NLK: variants seen among roughly 807,000 people sequenced by gnomAD.
The protein encoded by NLK is serine/threonine-protein kinase NLK.
A neutral mutation model predicts 59.0 loss-of-function variants in NLK; 11 were observed. The ratio of observed to expected loss-of-function variants is 0.19; its 90% CI spans 0.12 to 0.31. The LOEUF (loss-of-function observed/expected upper bound fraction) is 0.31. NLK is among the 10% of genes least tolerant of loss of function. The pLI, the probability that NLK is intolerant of heterozygous loss-of-function variation, is 1.00. For synonymous variants in NLK, 235 were observed against 235.9 expected (o/e 1.00, Z 0.03); for missense variants, 410 against 661.1 (o/e 0.62, Z 4.16).
intron 1 of NLK, among the ~76,000 whole-genome samples, chr17:28,121,656 G>A (rs1374427063): frequency 6.6e-6 from 1 of 151,264 alleles, no homozygotes; most frequent in South Asian, 2.1e-4. Context: ...CATGCACCAC[G>A]CCCGGCTAAA....
chr17:28,123,139 T>C (rs1906138069), intron 2 of NLK, among the ~76,000 whole-genome samples: 1 of 152,218 alleles, frequency 6.6e-6, no homozygotes, highest in Admixed American at 6.5e-5. Context: ...AAAATTACAC[T>C]ATGAATTGTA....
intron 8 of NLK, among the ~76,000 whole-genome samples, chr17:28,186,701 C>T (rs925774030): frequency 2.0e-5 from 3 of 152,176 alleles, no homozygotes; most frequent in African/African-American, 7.2e-5. Flanking sequence ...TCTCATGAGA[C>T]TTATTCACTA....
chr17:28,131,048 A>G (rs977575566), intron 2 of NLK, among the ~76,000 whole-genome samples: 1 of 152,186 alleles, frequency 6.6e-6, no homozygotes, highest in African/African-American at 2.4e-5. Context: ...AACTATTTAA[A>G]AGCCTCCAAC....
At chr17:28,127,637 A>G (rs535752214) in intron 2 of NLK, among the ~76,000 whole-genome samples, 36 of 152,314 alleles carry the variant, frequency 2.4e-4, no homozygotes, top group Middle Eastern at 3.4e-3. Context: ...ACTCAATGTG[A>G]TTGATAGGTC....
At position 28,138,273 on chromosome 17, in the gene NLK, C is replaced by T. The variant is rs1391648570; in HGVS notation, c.644+5598C>T. ...AGCATAACTTAGCATTCTATGAAGACGAACATGGGTGGTGTGAGTCTTCTA... is the reference window on the plus strand; with the variant it reads ...AGCATAACTTAGCATTCTATGAAGATGAACATGGGTGGTGTGAGTCTTCTA... On this transcript the variant is annotated intron_variant, in intron 3 of 10. Transcript: ENST00000407008. 5.3e-5 allele frequency among the ~76,000 whole-genome samples: 8 copies of T among 152,150 alleles called. No individual in the cohort carries two copies. The South Asian group carries it at 1.0e-3, about 20-fold the overall frequency.
chr17:28,169,593 A>T (rs533691644), intron 6 of NLK, among the ~76,000 whole-genome samples: 3 of 152,188 alleles, frequency 2.0e-5, no homozygotes, highest in Non-Finnish European at 4.4e-5. Flanking sequence ...GCATGAAAAT[A>T]ATGTAGTAAC....
intron 3 of NLK, among the ~76,000 whole-genome samples, chr17:28,148,203 T>C (rs1403605255): frequency 2.0e-5 from 3 of 152,054 alleles, no homozygotes; most frequent in African/African-American, 7.2e-5. Context: ...TAAAAAGAAA[T>C]CTGTAAAGGG....
intron 5 of NLK, among the ~76,000 whole-genome samples, chr17:28,164,665 G>A (rs545124987): frequency 7.9e-4 from 121 of 152,214 alleles, no homozygotes; most frequent in African/African-American, 2.8e-3. Context: ...CTTGAATAGA[G>A]AGAGGTCCAC....
intron 7 of NLK, among the ~76,000 whole-genome samples, chr17:28,174,179 G>T (rs940469770): frequency 6.6e-6 from 1 of 152,042 alleles, no homozygotes; most frequent in African/African-American, 2.4e-5. Flanking sequence ...TCTGTTAGTT[G>T]TAAAAACCTA....
At chr17:28,087,598 G>T (rs1597672702) in intron 1 of NLK, among the ~76,000 whole-genome samples, 2 of 152,188 alleles carry the variant, frequency 1.3e-5, no homozygotes, top group East Asian at 1.9e-4. Flanking sequence ...CATATTTGGG[G>T]AATAGCTATT....
In NLK at chr17:28,159,777, T is replaced by TA. The variant is rs576291112; in HGVS notation, c.645-1375dup. ...ATAGGCAAAATAAAAAATATAACAG[T>TA]AAAAAAAATTATCCTGGCTGCTGTT... On this transcript the variant is annotated intron_variant, in intron 3 of 10. Transcript: ENST00000407008. 2.6e-5 allele frequency among the ~76,000 whole-genome samples: 4 copies of TA among 152,026 alleles called. No individual in the cohort carries two copies. The South Asian group carries it at 8.3e-4, about 32-fold the overall frequency.
chr17:28,045,376 A>C (rs1357565754), intron 1 of NLK, among the ~76,000 whole-genome samples: 1 of 152,210 alleles, frequency 6.6e-6, no homozygotes, highest in Admixed American at 6.5e-5. Context: ...GTTTTGGCTT[A>C]AACAACAGAA....
intron 1 of NLK, among the ~76,000 whole-genome samples, chr17:28,085,009 A>G (rs979524222): frequency 6.6e-6 from 1 of 152,244 alleles, no homozygotes; most frequent in East Asian, 1.9e-4. Context: ...TCTAATGCCA[A>G]GGTTTCTATT....
At chr17:28,055,662 AATT>A (rs1460693741) in intron 1 of NLK, among the ~76,000 whole-genome samples, 2 of 152,178 alleles carry the variant, frequency 1.3e-5, no homozygotes, top group Non-Finnish European at 2.9e-5. Flanking sequence ...GGATTAAATG[AATT>A]ATTATATATT....
chr17:28,043,479 TAA>T (rs1908944394), intron 1 of NLK, 148 bp downstream of exon 1: 1 of 689,500 alleles, frequency 1.5e-6, no homozygotes, highest in African/African-American at 1.8e-5. Flanking sequence ...ACTTATGTGG[TAA>T]AGAGGCCTAA....
intron 3 of NLK, among the ~76,000 whole-genome samples, chr17:28,156,120 ACAAAAATATATACAAAATATG>A (rs1286062908): frequency 2.0e-5 from 3 of 152,184 alleles, no homozygotes; most frequent in East Asian, 1.9e-4. Flanking sequence ...TTCAAAATAT[ACAAAAATATATACAAAATATG>A]CAAAAATATA....
chr17:28,103,277 G>A (rs1904964197), intron 1 of NLK, among the ~76,000 whole-genome samples: 1 of 152,154 alleles, frequency 6.6e-6, no homozygotes, highest in African/African-American at 2.4e-5. Flanking sequence ...CCATAAGCCA[G>A]CCACCATTGA....
intron 7 of NLK, among the ~76,000 whole-genome samples, chr17:28,175,209 G>A (rs1274863091): frequency 6.6e-6 from 1 of 151,780 alleles, no homozygotes; most frequent in Non-Finnish European, 1.5e-5. Flanking sequence ...ACTTTGGGAG[G>A]CGGAGGCAGG....
chr17:28,072,352 G>A (rs1422867697), intron 1 of NLK, among the ~76,000 whole-genome samples: 1 of 145,940 alleles, frequency 6.9e-6, no homozygotes, highest in African/African-American at 2.5e-5. Flanking sequence ...TTGAGACAGG[G>A]TTTTGCTTGG....
Sources: allele counts gnomAD v4.1 joint callset (sites outside exome capture counted in the v4.1 genomes callset), GRCh38; gene constraint gnomAD v4.1.1; transcripts MANE v1.5; gene names NCBI Gene and HGNC (gene_info 2026-07-23, HGNC 2026-07-21).